The following MID2 variants were observed in gnomAD, a reference collection of about 807,000 sequenced individuals.
MID2 encodes probable E3 ubiquitin-protein ligase MID2.
MID2 carries 13 observed loss-of-function variants against 46.1 expected under a neutral mutation model. That is an observed-to-expected ratio of 0.28 (90% CI 0.18 to 0.45). MID2 has a LOEUF of 0.45. Among genes scored for constraint, MID2 ranks in the 20% least tolerant of loss-of-function variants. The probability of loss-of-function intolerance (pLI) is 1.00; values close to 1 mark genes in which losing one functional copy is unlikely to be tolerated. For synonymous variants in MID2, 199 were observed against 212.3 expected, an observed-to-expected ratio of 0.94 and a Z score of 0.55; for missense variants, 431 against 575.4, an observed-to-expected ratio of 0.75 and a Z score of 2.57.
At chrX:107,855,894 T>C (rs1181890154) in intron 3 of MID2, among the ~76,000 whole-genome samples, 3 of 111,602 alleles carry the variant, frequency 2.7e-5, no homozygotes, top group Non-Finnish European at 5.7e-5. Context: ...AACTCAGATA[T>C]GAGACTATAA....
At chrX:107,888,324 G>T (rs1057092391) in intron 3 of MID2, among the ~76,000 whole-genome samples, 1 of 111,970 alleles carries the variant, frequency 8.9e-6, no homozygotes, top group African/African-American at 3.3e-5. Flanking sequence ...GGTATGTTGT[G>T]TCTTTGTTCC....
intron 7 of MID2, among the ~76,000 whole-genome samples, chrX:107,920,620 T>C (rs2147873377): frequency 8.9e-6 from 1 of 112,100 alleles, no homozygotes; most frequent in South Asian, 3.7e-4. Context: ...TTGTAATTTT[T>C]CCCTTTTGAA....
chrX:107,880,246 C>A (rs113527594), intron 3 of MID2, among the ~76,000 whole-genome samples: 1 of 110,450 alleles, frequency 9.1e-6, no homozygotes, highest in Admixed American at 9.7e-5. Flanking sequence ...CTCAGACTCC[C>A]GAGTAGCTGG....
At chrX:107,912,041 A>G (rs776266818) in intron 5 of MID2, among the ~76,000 whole-genome samples, 10 of 112,087 alleles carry the variant, frequency 8.9e-5, no homozygotes, top group African/African-American at 3.2e-4. Flanking sequence ...TTTAGTGTGC[A>G]TGGATCTGTG....
chrX:107,867,877 T>G (rs1931991240), intron 3 of MID2, among the ~76,000 whole-genome samples: 1 of 111,278 alleles, frequency 9.0e-6, no homozygotes, highest in Non-Finnish European at 1.9e-5. Context: ...CGAGTTCAGT[T>G]TGGAAACACT....
At chrX:107,873,810 G>A (rs1417848881) in intron 3 of MID2, among the ~76,000 whole-genome samples, 1 of 111,358 alleles carries the variant, frequency 9.0e-6, no homozygotes, top group Non-Finnish European at 1.9e-5. Flanking sequence ...GAGGATAATA[G>A]TCTATTAATT....
chrX:107,917,544 G>T lies in MID2; in HGVS notation c.1240G>T (p.Ala414Ser). Residue 414 changes from alanine to serine, a missense_variant, in exon 7 of 10, where the codon GCC becomes TCC. Physicochemically the swap from Ala to Ser is moderately conservative, Grantham distance 99. Coordinates refer to ENST00000262843, the MANE Select transcript of MID2 (RefSeq NM_012216.4). ...PPSIREELCT[A>S]SHDTITVHWI... The stretch of plus-strand genomic sequence containing the variant: ...ATCTATCCGAGAAGAACTCTGTACT[G>T]CCTCCCATGACACCATTACAGTCCA... The T allele has an allele frequency of 8.3e-7, 1 of 1,210,689 alleles. No homozygotes were observed. The highest frequency in any genetic ancestry group is 1.1e-6 in the Non-Finnish European group (1 of 895,038).
rs1305826727 is a variant in MID2, at chrX:107,905,545, T to C, written c.992T>C (p.Val331Ala). The part of the protein sequence containing the change: ...NCRQCLERST[V>A]LINQAEHILK... ...CGCCAGTGTCTTGAACGGTCAACAG[T>C]CCTCATCAACCAAGCTGAGCATATC... Residue 331 changes from valine to alanine, a missense_variant, in exon 5 of 10, where the codon GTC (valine) becomes GCC (alanine). By Grantham distance (64) the Val-to-Ala change is moderately conservative. Coordinates refer to ENST00000262843, the MANE Select transcript of MID2 (RefSeq NM_012216.4). 8.3e-7 allele frequency: 1 copy of C among 1,208,048 alleles called. No individual in the cohort carries two copies. The highest frequency in any genetic ancestry group is 1.1e-6 in the Non-Finnish European group (1 of 892,904).
At position 107,840,822 on chromosome X, in the gene MID2, T is replaced by C; in HGVS notation, c.157T>C (p.Cys53Arg). ...TTGTGCTCACAGCCTCTGCTTCAGC[T>C]GTGCCCATCGCATTTTGGTATCAAG... ...LPCAHSLCFSCAHRILVSSCS... is the reference protein window; with the variant it reads ...LPCAHSLCFSRAHRILVSSCS... The change falls in exon 2 of 10, where the codon TGT (cysteine) becomes CGT (arginine). Residue 53 changes from cysteine (C) to arginine (R), a missense_variant. Transcript: ENST00000262843. The C allele has an allele frequency of 1.7e-6, 2 of 1,211,905 alleles. No homozygotes were observed. Among genetic ancestry groups the C allele is most frequent in the Non-Finnish European group, 2.2e-6 (2 of 895,581 alleles).
chrX:107,867,351 C>T (rs1043645371), intron 3 of MID2, among the ~76,000 whole-genome samples: 38 of 104,683 alleles, frequency 3.6e-4, no homozygotes, highest in African/African-American at 1.2e-3. Context: ...TTAGTAGAGA[C>T]GGGGTTTCAC....
intron 3 of MID2, among the ~76,000 whole-genome samples, chrX:107,873,660 C>T (rs1456861140): frequency 8.9e-6 from 1 of 112,193 alleles, no homozygotes; most frequent in Admixed American, 9.4e-5. Context: ...AGTGAGGCTT[C>T]AAGTGGATCA....
intron 2 of MID2, among the ~76,000 whole-genome samples, chrX:107,847,881 T>A (rs769991540): frequency 4.5e-5 from 5 of 110,573 alleles, no homozygotes; most frequent in Non-Finnish European, 9.5e-5. Context: ...ATAGGAGGAA[T>A]AGCAAGATAG....
At chrX:107,882,590 A>T (rs1932345642) in intron 3 of MID2, among the ~76,000 whole-genome samples, 1 of 112,144 alleles carries the variant, frequency 8.9e-6, no homozygotes, top group African/African-American at 3.2e-5. Context: ...CAGCCAAAAG[A>T]CACATGAAAA....
At chrX:107,834,189 C>T (rs960450257) in intron 1 of MID2, among the ~76,000 whole-genome samples, 4 of 111,692 alleles carry the variant, frequency 3.6e-5, no homozygotes, top group African/African-American at 6.5e-5. Context: ...TTATGCTCAT[C>T]GACTTCTTTT....
chrX:107,872,715 C>T (rs1366848109), intron 3 of MID2, among the ~76,000 whole-genome samples: 1 of 112,135 alleles, frequency 8.9e-6, no homozygotes, highest in Non-Finnish European at 1.9e-5. Flanking sequence ...ATTAGGTCCA[C>T]TGGGTTGAAT....
In MID2 at chrX:107,841,453, A is replaced by G; in HGVS notation, c.720+68A>G. On this transcript the variant is annotated intron_variant, in intron 2 of 9. Transcript: ENST00000262843. ...AAATGCAGTTAGCAAGTTCTCTAAT[A>G]AAATAGGTGACTTTTCCTATATGAC... is the stretch of plus-strand genomic sequence containing the variant. The G allele has an allele frequency of 6.1e-6, 5 of 825,453 alleles. No homozygotes were observed. The South Asian group carries it at 1.0e-4, about 17-fold the overall frequency. The allele number at this position is 825,453 out of a possible 1,213,427, so 68.0% of individuals were successfully genotyped here.
At chrX:107,848,816 T>G (rs1243533779) in intron 2 of MID2, among the ~76,000 whole-genome samples, 1 of 111,572 alleles carries the variant, frequency 9.0e-6, no homozygotes, top group African/African-American at 3.3e-5. Context: ...AAAAGCAAAG[T>G]AAGTATTTTA....
chrX:107,834,892 A>G (rs959432180), intron 1 of MID2, among the ~76,000 whole-genome samples: 1 of 112,038 alleles, frequency 8.9e-6, no homozygotes, highest in African/African-American at 3.2e-5. Context: ...CACATGCCAT[A>G]ATATTCACTA....
intron 3 of MID2, among the ~76,000 whole-genome samples, chrX:107,902,525 A>C (rs1178704007): frequency 9.0e-6 from 1 of 111,676 alleles, no homozygotes; most frequent in Non-Finnish European, 1.9e-5. Context: ...TGCCATTCAG[A>C]GTAAACAGAA....
Sources: allele counts gnomAD v4.1 joint callset (sites outside exome capture counted in the v4.1 genomes callset), GRCh38; gene constraint gnomAD v4.1.1; transcripts MANE v1.5; gene names NCBI Gene and HGNC (gene_info 2026-07-23, HGNC 2026-07-21).